Variants in CD72 observed in about 807,000 individuals in gnomAD.
CD72 encodes the protein CD72 molecule, also known as B-cell differentiation antigen CD72.
In CD72, 28 loss-of-function variants were observed where a neutral mutation model predicts 50.7. That is an observed-to-expected ratio of 0.55 (90% CI 0.41 to 0.76). The LOEUF (loss-of-function observed/expected upper bound fraction) is 0.76, where lower values mean the gene tolerates loss of function less well. CD72 is among the 30% of genes least tolerant of loss of function. The pLI is 0.00. For synonymous variants in CD72, 176 were observed against 171.2 expected (o/e 1.03, Z -0.22); for missense variants, 403 against 420.6 (o/e 0.96, Z 0.37).
chr9:35,622,604 T>C (rs1823154454), upstream of CD72, among the ~76,000 whole-genome samples: 1 of 151,848 alleles, frequency 6.6e-6, no homozygotes, highest in Non-Finnish European at 1.5e-5. Context: ...CTGGCCAATA[T>C]GGTGAAACCC....
chr9:35,634,256 G>C (rs1197966317), intron 1 of CD72, among the ~76,000 whole-genome samples: 1 of 152,014 alleles, frequency 6.6e-6, no homozygotes, highest in African/African-American at 2.4e-5. Flanking sequence ...CCTGCTCTCA[G>C]ATAGATACAC....
intron 6 of CD72, among the ~76,000 whole-genome samples, chr9:35,612,444 G>T (rs1823000652): frequency 1.3e-5 from 2 of 152,146 alleles, no homozygotes; most frequent in African/African-American, 4.8e-5. Context: ...AATTAGCTGG[G>T]CGTGGTGGCA....
At chr9:35,627,816 T>A (rs1164641846) in intron 1 of CD72, among the ~76,000 whole-genome samples, 1 of 152,030 alleles carries the variant, frequency 6.6e-6, no homozygotes, top group East Asian at 1.9e-4. Context: ...GCTCCTATGA[T>A]AAGTTTTTGT....
intron 1 of CD72, among the ~76,000 whole-genome samples, chr9:35,627,619 C>A (rs547279071): frequency 3.3e-5 from 5 of 152,174 alleles, no homozygotes; most frequent in African/African-American, 1.2e-4. Context: ...CTGGAAAGAA[C>A]CCAGTTATCA....
In CD72 at chr9:35,616,087, C is replaced by A; in HGVS notation, c.544G>T (p.Glu182Ter). ...GCCTGGCAGGCCTGTAGCTGCCCTT[C>A]GGCCGCCTGATGAGCCCTCTGTTCC... The part of the protein sequence containing the change: ...QVEQRAHQAA[E>*]GQLQACQADR... The change falls in exon 5 of 9, where the codon GAA becomes TAA. Residue 182 changes from glutamate (E) to a stop codon, truncating the protein, a stop_gained. Coordinates refer to ENST00000259633, the MANE Select transcript of CD72 (RefSeq NM_001782.3). LOFTEE classifies it high-confidence loss of function. 6.2e-7 allele frequency: 1 copy of A among 1,614,188 alleles called. No homozygotes were observed. Among genetic ancestry groups the A allele is most frequent in the Non-Finnish European group, 8.5e-7 (1 of 1,180,046 alleles).
intron 1 of CD72, among the ~76,000 whole-genome samples, chr9:35,631,821 C>T (rs1823248729): frequency 6.6e-6 from 1 of 151,976 alleles, no homozygotes; most frequent in Admixed American, 6.6e-5. Flanking sequence ...ACCCGGGAGA[C>T]GGAGCTTGCA....
intron 5 of CD72, among the ~76,000 whole-genome samples, chr9:35,613,260 T>C (rs1023041844): frequency 1.4e-4 from 22 of 152,120 alleles, no homozygotes; most frequent in African/African-American, 4.8e-4. Context: ...TTCTGAACAA[T>C]TGCAGTCCAC....
chr9:35,623,758 A>G (rs1264815871), upstream of CD72, among the ~76,000 whole-genome samples: 2 of 152,180 alleles, frequency 1.3e-5, no homozygotes, highest in Non-Finnish European at 2.9e-5. Flanking sequence ...CTCTACTAAA[A>G]ATACAAAATT....
At chr9:35,632,503 A>G (rs1260946575) in intron 1 of CD72, among the ~76,000 whole-genome samples, 1 of 150,364 alleles carries the variant, frequency 6.7e-6, no homozygotes, top group Non-Finnish European at 1.5e-5. Context: ...TTTCTTTCTC[A>G]TAACTAATCT....
chr9:35,614,821 T>G (rs1313004662), intron 5 of CD72, among the ~76,000 whole-genome samples: 1 of 152,120 alleles, frequency 6.6e-6, no homozygotes, highest in Admixed American at 6.5e-5. Flanking sequence ...GGAAACATAG[T>G]GAGACCTTGT....
intron 1 of CD72, among the ~76,000 whole-genome samples, chr9:35,631,852 C>T (rs1765459856): frequency 6.6e-6 from 1 of 152,024 alleles, no homozygotes; most frequent in Non-Finnish European, 1.5e-5. Context: ...ATCGCCGAGC[C>T]ACTGCACTCC....
chr9:35,632,416 C>T (rs1243690351), intron 1 of CD72, among the ~76,000 whole-genome samples: 1 of 151,966 alleles, frequency 6.6e-6, no homozygotes, highest in Admixed American at 6.6e-5. Flanking sequence ...GTGATGCGCC[C>T]GCCTCGGCCT....
In CD72 at chr9:35,617,256, G is replaced by A. The variant is rs770137375; in HGVS notation, c.191-9C>T. ...CTGCTCCGACTTGACCGCTGTCGAG[G>A]GGAGCATCCAGTGTGAGACCGGAAG... On this transcript the variant is annotated splice_polypyrimidine_tract_variant and intron_variant, in intron 2 of 8. Transcript: ENST00000259633. 6 of 1,546,112 alleles carry A rather than the reference G, an allele frequency of 3.9e-6. No homozygotes were observed. The highest frequency in any genetic ancestry group is 5.2e-6 in the Non-Finnish European group (6 of 1,144,998).
At chr9:35,645,603 A>C (rs1226140642) in intron 1 of CD72, among the ~76,000 whole-genome samples, 1 of 151,924 alleles carries the variant, frequency 6.6e-6, no homozygotes, top group Non-Finnish European at 1.5e-5. Flanking sequence ...ACAAACAAAA[A>C]AAAACTTGGT....
At chr9:35,629,571 T>C (rs1299393001) in intron 1 of CD72, among the ~76,000 whole-genome samples, 3 of 152,244 alleles carry the variant, frequency 2.0e-5, no homozygotes, top group African/African-American at 7.2e-5. Context: ...CAACAGTCTC[T>C]GAAAGGTGTT....
chr9:35,632,189 T>G (rs1823251909), intron 1 of CD72, among the ~76,000 whole-genome samples: 2 of 152,016 alleles, frequency 1.3e-5, no homozygotes. Context: ...CCTCTTTTTT[T>G]TTTTTTGAGA....
upstream of CD72, among the ~76,000 whole-genome samples, chr9:35,621,251 G>A (rs1823144583): frequency 6.6e-6 from 1 of 152,160 alleles, no homozygotes; most frequent in Non-Finnish European, 1.5e-5. Context: ...TAACACCCAT[G>A]TTTTGCCCTC....
At position 35,616,211 on chromosome 9, in the gene CD72, C is replaced by A; in HGVS notation, c.420G>T (p.Arg140Ser). The A allele has an allele frequency of 6.2e-7, 1 of 1,614,166 alleles. No homozygotes were observed. Among genetic ancestry groups the A allele is most frequent in the Non-Finnish European group, 8.5e-7 (1 of 1,180,024 alleles). ...RVLEVTNSSL[R>S]QQLRLKITQL... ...GCGTTATCTTGAGGCGGAGCTGCTG[C>A]CTCAGGCTGCTGTTAGTGACTTCCA... Residue 140 changes from arginine to serine, a missense_variant, in exon 5 of 9, where the codon AGG (arginine) becomes AGT (serine). Physicochemically the swap from Arg to Ser is moderately radical, Grantham distance 110. Coordinates refer to ENST00000259633, the MANE Select transcript of CD72 (RefSeq NM_001782.3).
At chr9:35,616,515 C>T in intron 4 of CD72, 85 bp downstream of exon 4, 1 of 1,154,616 alleles carries the variant, frequency 8.7e-7, no homozygotes, top group Non-Finnish European at 1.3e-6. Context: ...TGACTATGAT[C>T]CCTGCTGAGG....
Sources: gnomAD v4.1 joint callset for allele counts (sites outside exome capture counted in the v4.1 genomes callset) on GRCh38, gnomAD v4.1.1 for gene constraint, MANE v1.5 for transcripts, NCBI Gene and HGNC (gene_info 2026-07-23, HGNC 2026-07-21) for gene names.